Variants in PLXDC1 observed in about 807,000 individuals in gnomAD.
The protein encoded by PLXDC1 is plexin domain containing 1, also known as plexin domain-containing protein 1.
Under a neutral mutation model 61.3 loss-of-function variants are expected in PLXDC1, and 39 were observed. The ratio of observed to expected loss-of-function variants is 0.64; its 90% CI spans 0.49 to 0.83. The LOEUF is 0.83. PLXDC1 is among the 40% of genes least tolerant of loss of function. The pLI, the probability that PLXDC1 is intolerant of heterozygous loss-of-function variation, is 0.00. For missense variants in PLXDC1, 596 were observed against 666.5 expected (o/e 0.89, Z 1.17); for synonymous variants, 212 against 254.5 (o/e 0.83, Z 1.59).
Position 39,108,103 on chromosome 17 carries a change from A to C in PLXDC1, c.592+20T>G, listed in dbSNP as rs1475102395. On this transcript the variant is annotated intron_variant, in intron 5 of 13. Transcript: ENST00000315392. ...GGATCCCTGGAGCTGGGTGACTTAA[A>C]TTCTGAGATCCAGTCTCACCATTGT... 1.2e-6 allele frequency: 2 copies of C among 1,614,012 alleles called. No individual in the cohort carries two copies. The highest frequency in any genetic ancestry group is 3.3e-5 in the Admixed American group (2 of 60,008).
At chr17:39,116,544 C>A (rs1370964498) in intron 2 of PLXDC1, among the ~76,000 whole-genome samples, 2 of 152,212 alleles carry the variant, frequency 1.3e-5, no homozygotes, top group African/African-American at 4.8e-5. Context: ...GAGGAACCAG[C>A]TGCCTCCTCT....
intron 2 of PLXDC1, among the ~76,000 whole-genome samples, chr17:39,130,753 G>A (rs1367921592): frequency 6.6e-6 from 1 of 151,906 alleles, no homozygotes; most frequent in Non-Finnish European, 1.5e-5. Context: ...GTAGAGACGG[G>A]GTTTCACCAC....
In PLXDC1 at chr17:39,130,604, G is replaced by A. The variant is rs560247576; in HGVS notation, c.255+9050C>T. Among the ~76,000 whole-genome samples the A allele has an allele frequency of 1.7e-4, 26 of 152,030 alleles. 1 individual carries two copies. Among genetic ancestry groups the A allele is most frequent in the Middle Eastern group, 3.4e-3 (1 of 294 alleles). Reference sequence around the variant, plus strand: ...ATTTTTGAGACAGTCTTGCTCTGTCGCCCAGGCTGGAGTGCAGTGGCGTGA... The same window carrying A: ...ATTTTTGAGACAGTCTTGCTCTGTCACCCAGGCTGGAGTGCAGTGGCGTGA... On this transcript the variant is annotated intron_variant, in intron 2 of 13. Transcript: ENST00000315392.
chr17:39,139,161 T>C (rs537792466), intron 2 of PLXDC1, among the ~76,000 whole-genome samples: 1 of 152,128 alleles, frequency 6.6e-6, no homozygotes, highest in South Asian at 2.1e-4. Flanking sequence ...GCCAAGGAGG[T>C]TGTCTCCAGG....
intron 9 of PLXDC1, among the ~76,000 whole-genome samples, chr17:39,082,051 C>T (rs556508115): frequency 1.6e-4 from 24 of 152,266 alleles, no homozygotes; most frequent in Non-Finnish European, 2.5e-4. Context: ...ATCTGAGGCC[C>T]CAAGAGAGTG....
chr17:39,101,786 A>G (rs1249655552), intron 7 of PLXDC1, among the ~76,000 whole-genome samples: 1 of 152,120 alleles, frequency 6.6e-6, no homozygotes, highest in East Asian at 1.9e-4. Context: ...AGCATATGCA[A>G]ATCAGATGCC....
intron 2 of PLXDC1, among the ~76,000 whole-genome samples, chr17:39,124,018 G>A (rs1202638694): frequency 2.0e-5 from 3 of 152,018 alleles, no homozygotes; most frequent in East Asian, 1.9e-4. Flanking sequence ...CCTGCCCTTC[G>A]ATCGCAGGGC....
chr17:39,088,146 C>A (rs945436865), intron 7 of PLXDC1, among the ~76,000 whole-genome samples: 2 of 152,224 alleles, frequency 1.3e-5, no homozygotes, highest in African/African-American at 2.4e-5. Context: ...CCACTGCACT[C>A]ACCACACTGT....
At chr17:39,128,151 G>GTGTATATATATGTATATATA (rs1288835834) in intron 2 of PLXDC1, among the ~76,000 whole-genome samples, 2 of 27,444 alleles carry the variant, frequency 7.3e-5, no homozygotes, top group African/African-American at 3.3e-4. Context: ...ATATATATGT[G>GTGTATATATATGTATATATA]TGTATATATA....
chr17:39,083,619 A>C, intron 8 of PLXDC1, 79 bp from the exon 9 acceptor site: 1 of 1,081,896 alleles, frequency 9.2e-7, no homozygotes, highest in Middle Eastern at 2.1e-4. Context: ...AATTCCTGGT[A>C]TTTACAGAAC....
chr17:39,064,430 T>A lies in PLXDC1; in HGVS notation c.*3410A>T, dbSNP rs867536636. 4 of 152,204 alleles carry A rather than the reference T, an allele frequency of 2.6e-5. No individual in the cohort carries two copies. Among genetic ancestry groups the A allele is most frequent in the African/African-American group, 9.7e-5 (4 of 41,430 alleles). 9.4% of individuals were successfully genotyped at this position (152,204 alleles called of 1,614,324 possible). A position where few individuals can be genotyped will look rare whatever the true frequency, so the allele number is the denominator to read the frequency against. The stretch of plus-strand genomic sequence containing the variant: ...GGGGGTTTAAATTATCAAATTTAGC[T>A]GGTTTGCAGGGGGAGTTCTTTCCCA... On this transcript the variant is annotated 3_prime_UTR_variant, in exon 14 of 14. Transcript: ENST00000315392.
chr17:39,126,407 T>C (rs1911312889), intron 2 of PLXDC1, among the ~76,000 whole-genome samples: 1 of 152,194 alleles, frequency 6.6e-6, no homozygotes, highest in South Asian at 2.1e-4. Flanking sequence ...AAGTAATTGA[T>C]ATAAGCAAGA....
At chr17:39,102,354 G>C (rs1006832710) in intron 7 of PLXDC1, among the ~76,000 whole-genome samples, 1 of 152,250 alleles carries the variant, frequency 6.6e-6, no homozygotes, top group East Asian at 1.9e-4. Flanking sequence ...GCCCACCTAT[G>C]AGGAGGGTAA....
At chr17:39,146,041 C>G (rs1336874713) in intron 1 of PLXDC1, among the ~76,000 whole-genome samples, 1 of 150,758 alleles carries the variant, frequency 6.6e-6, no homozygotes, top group Non-Finnish European at 1.5e-5. Flanking sequence ...AGTAATTAAG[C>G]ATTAATCAGG....
chr17:39,129,688 A>AAAAAGAAAGAAAGAAAGAAGGAAAGAAAG (rs1911479366), intron 2 of PLXDC1, among the ~76,000 whole-genome samples: 2 of 65,024 alleles, frequency 3.1e-5, no homozygotes, highest in East Asian at 6.2e-4. Flanking sequence ...AGGGAGAAAG[A>AAAAAGAAAGAAAGAAAGAAGGAAAGAAAG]AAAGAAAGAA....
intron 7 of PLXDC1, among the ~76,000 whole-genome samples, chr17:39,100,530 T>C (rs1297047561): frequency 3.9e-5 from 6 of 152,220 alleles, no homozygotes; most frequent in Admixed American, 3.9e-4. Flanking sequence ...ACTGAGATTA[T>C]GGGCGTGAGC....
chr17:39,070,096 A>C (rs1424658710), intron 12 of PLXDC1, 80 bp from the exon 13 acceptor site: 3 of 1,083,204 alleles, frequency 2.8e-6, no homozygotes, highest in Admixed American at 4.4e-5. Context: ...GTTCTAACAA[A>C]GTCTCAGAGA....
Position 39,151,337 on chromosome 17 carries a change from C to A in PLXDC1, c.76+25G>T, listed in dbSNP as rs2144019492. The A allele has an allele frequency of 7.9e-7, 1 of 1,271,820 alleles. No individual in the cohort carries two copies. The highest frequency in any genetic ancestry group is 3.1e-5 in the East Asian group (1 of 31,858). 78.8% of individuals were successfully genotyped at this position (1,271,820 alleles called of 1,614,324 possible). On this transcript the variant is annotated intron_variant, in intron 1 of 13. Coordinates refer to ENST00000315392, the MANE Select transcript of PLXDC1 (RefSeq NM_020405.5). The surrounding 1 kb of genome is among the most constrained non-coding windows in gnomAD (Gnocchi z 5.2). ...CCGTCCCTCCCCGCCCCCGGCCCAC[C>A]CGGGCCGGCTCCCGCCAGTCCTACC... is the stretch of plus-strand genomic sequence containing the variant.
At chr17:39,086,722 C>A (rs895128145) in intron 8 of PLXDC1, among the ~76,000 whole-genome samples, 1 of 151,826 alleles carries the variant, frequency 6.6e-6, no homozygotes, top group African/African-American at 2.4e-5. Context: ...ATTAGCCGGG[C>A]ATGGTGGCGG....
Sources: gnomAD v4.1 joint callset for allele counts (sites outside exome capture counted in the v4.1 genomes callset) on GRCh38, gnomAD v4.1.1 for gene constraint, Gnocchi (gnomAD v3.1) non-coding constraint, MANE v1.5 for transcripts, NCBI Gene and HGNC (gene_info 2026-07-23, HGNC 2026-07-21) for gene names.